The following ATP2A1 variants were observed in gnomAD, a reference collection of about 807,000 sequenced individuals.
ATP2A1 encodes ATPase sarcoplasmic/endoplasmic reticulum Ca2+ transporting 1.
In ATP2A1, 83 loss-of-function variants were observed where a neutral mutation model predicts 109.5. That is an observed-to-expected ratio of 0.76 (90% CI 0.63 to 0.91). The LOEUF (loss-of-function observed/expected upper bound fraction) is 0.91, where lower values mean the gene tolerates loss of function less well. ATP2A1 is among the 40% of genes least tolerant of loss of function. The pLI is 0.00. For missense variants in ATP2A1, 1,101 were observed against 1,341.0 expected, an observed-to-expected ratio of 0.82 and a Z score of 2.80; for synonymous variants, 505 against 537.6, an observed-to-expected ratio of 0.94 and a Z score of 0.84.
chr16:28,898,526 C>T lies in ATP2A1; in HGVS notation c.1764+75C>T. ...TCCCAGCCATCCACTCACAGCTCCA[C>T]CACCCGGATCATTTCCTACCTCGTC... On this transcript the variant is annotated intron_variant, in intron 14 of 22. Coordinates refer to ENST00000395503, the MANE Select transcript of ATP2A1 (RefSeq NM_004320.6). This position sits in a 1 kb window ranked among gnomAD's most constrained non-coding sequence, Gnocchi z 4.0. The T allele has an allele frequency of 2.0e-6, 3 of 1,474,916 alleles. No individual in the cohort carries two copies. Among genetic ancestry groups the T allele is most frequent in the Non-Finnish European group, 1.9e-6 (2 of 1,077,002 alleles). 91.4% of individuals were successfully genotyped at this position (1,474,916 alleles called of 1,614,324 possible).
At chr16:28,885,349 TTTC>T (rs1390039359) in intron 6 of ATP2A1, among the ~76,000 whole-genome samples, 2 of 151,858 alleles carry the variant, frequency 1.3e-5, no homozygotes, top group Non-Finnish European at 2.9e-5. Context: ...TGCTTGACAT[TTTC>T]TTTTTTTTTT....
intron 9 of ATP2A1, among the ~76,000 whole-genome samples, chr16:28,890,867 G>C (rs969927729): frequency 6.6e-6 from 1 of 151,744 alleles, no homozygotes; most frequent in African/African-American, 2.4e-5. Flanking sequence ...TGTATTTTTA[G>C]TACAGATGGG....
In ATP2A1 at chr16:28,879,075, CCTTTTCTT is replaced by C. The variant is rs1277155135; in HGVS notation, c.119-18_119-11del. The C allele has an allele frequency of 6.2e-7, 1 of 1,613,918 alleles. No individual in the cohort carries two copies. On this transcript the variant is annotated splice_polypyrimidine_tract_variant and intron_variant, in intron 1 of 22. Coordinates refer to ENST00000395503, the MANE Select transcript of ATP2A1 (RefSeq NM_004320.6). Reference sequence around the variant, plus strand: ...GAGGCTGAACCCCAAATGAATCTGTCCTTTTCTTCTTTTTCCTGGGTAGAGCTCCCTGC... The same window carrying C: ...GAGGCTGAACCCCAAATGAATCTGTCCTTTTTCCTGGGTAGAGCTCCCTGC...
chr16:28,879,571 A>T lies in ATP2A1; in HGVS notation c.207A>T (p.Ala69=). 6.2e-7 allele frequency: 1 copy of T among 1,614,120 alleles called. No individual in the cohort carries two copies. Among genetic ancestry groups the T allele is most frequent in the Non-Finnish European group, 8.5e-7 (1 of 1,180,002 alleles). The change falls in exon 3 of 23, where the codon GCA becomes GCT. Residue 69 remains alanine (A), a synonymous_variant. Transcript: ENST00000395503. ...TGGTGCGGATTCTCCTCCTGGCCGC[A>T]TGCATTTCCTTCGTAAGTGTGGGAG... The part of the protein sequence containing the change: ...DLLVRILLLA[A]CISFVLAWFE...
Position 28,902,198 on chromosome 16 carries a change from C to T in ATP2A1, c.2336C>T (p.Ala779Val). ...VGEVVCIFLT[A>V]ALGLPEALIP... ...CCTTCCCACAGTATCTTCCTGACCGCTGCCCTGGGGCTGCCTGAGGCCCTG... is the reference window on the plus strand; with the variant it reads ...CCTTCCCACAGTATCTTCCTGACCGTTGCCCTGGGGCTGCCTGAGGCCCTG... Residue 779 changes from alanine (A) to valine (V), a missense_variant, in exon 17 of 23, where the codon GCT becomes GTT. Transcript: ENST00000395503. The surrounding 1 kb of genome is among the most constrained non-coding windows in gnomAD (Gnocchi z 4.8). 3.7e-6 allele frequency: 6 copies of T among 1,614,176 alleles called. No individual in the cohort carries two copies. Among genetic ancestry groups the T allele is most frequent in the Non-Finnish European group, 5.1e-6 (6 of 1,180,014 alleles).
At chr16:28,893,499 A>G (rs926394760) in intron 9 of ATP2A1, among the ~76,000 whole-genome samples, 3 of 152,178 alleles carry the variant, frequency 2.0e-5, no homozygotes, top group Non-Finnish European at 2.9e-5. Context: ...ATCTGGCCAC[A>G]TGCAGCTGGA....
intron 6 of ATP2A1, among the ~76,000 whole-genome samples, chr16:28,886,635 T>G (rs1262671973): frequency 2.0e-5 from 3 of 151,802 alleles, no homozygotes; most frequent in African/African-American, 7.3e-5. Flanking sequence ...CACATGGAAG[T>G]TAGGTGATCA....
Position 28,887,267 on chromosome 16 carries a change from T to C in ATP2A1, c.623T>C (p.Leu208Pro), listed in dbSNP as rs1963639908. The stretch of plus-strand genomic sequence containing the variant: ...GTCAACCAGGACAAGAAGAACATGC[T>C]TTTCTCGGTGAGCAATCCGGGACCA... ...RAVNQDKKNM[L>P]FSGTNIAAGK... Residue 208 changes from leucine (L) to proline (P), a missense_variant, in exon 7 of 23, where the codon CTT becomes CCT. Transcript: ENST00000395503. The C allele has an allele frequency of 6.2e-7, 1 of 1,613,804 alleles. No homozygotes were observed. The highest frequency in any genetic ancestry group is 8.5e-7 in the Non-Finnish European group (1 of 1,179,954).
chr16:28,881,357 C>T (rs1000500343), intron 4 of ATP2A1: 3 of 404,956 alleles, frequency 7.4e-6, no homozygotes, highest in Non-Finnish European at 1.4e-5. Context: ...TGATTTCCTT[C>T]TTCCACTGAC....
chr16:28,886,338 G>A (rs1379192405), intron 6 of ATP2A1, among the ~76,000 whole-genome samples: 2 of 152,062 alleles, frequency 1.3e-5, no homozygotes, highest in African/African-American at 4.8e-5. Flanking sequence ...CCCTGTCTCT[G>A]TAAAACCACC....
At chr16:28,889,410 C>A (rs777026414) in intron 9 of ATP2A1, among the ~76,000 whole-genome samples, 2 of 152,094 alleles carry the variant, frequency 1.3e-5, no homozygotes. Flanking sequence ...GTGCCTGCCA[C>A]CACGCCTGGC....
chr16:28,902,056 T>C lies in ATP2A1; in HGVS notation c.2294T>C (p.Ile765Thr). 6.2e-7 allele frequency: 1 copy of C among 1,614,194 alleles called. No individual in the cohort carries two copies. The highest frequency in any genetic ancestry group is 1.1e-5 in the South Asian group (1 of 91,082). Residue 765 changes from isoleucine to threonine, a missense_variant, in exon 16 of 23, where the codon ATT (isoleucine) becomes ACT (threonine). By Grantham distance (89) the Ile-to-Thr change is moderately conservative. Transcript: ENST00000395503. The surrounding 1 kb of genome is among the most constrained non-coding windows in gnomAD (Gnocchi z 4.8). The stretch of plus-strand genomic sequence containing the variant: ...ATGAAGCAGTTCATCCGCTACCTCA[T>C]TTCCTCCAACGTGGGCGAGGTGGTC... ...NNMKQFIRYL[I>T]SSNVGEVVCI...
intron 14 of ATP2A1, among the ~76,000 whole-genome samples, chr16:28,900,061 G>A (rs1376108049): frequency 1.3e-5 from 2 of 151,586 alleles, no homozygotes. Flanking sequence ...TTGGGAGGCC[G>A]AGGCTGGAGG....
chr16:28,889,847 TAATAA>T (rs1963722355), intron 9 of ATP2A1, among the ~76,000 whole-genome samples: 1 of 152,142 alleles, frequency 6.6e-6, no homozygotes, highest in South Asian at 2.1e-4. Context: ...AAATGTATAT[TAATAA>T]AATAAAACAG....
chr16:28,879,764 C>G (rs1327086800), intron 3 of ATP2A1, 181 bp downstream of exon 3: 4 of 763,024 alleles, frequency 5.2e-6, no homozygotes, highest in Middle Eastern at 3.6e-4. Context: ...CCCTGCACCC[C>G]AGAGGCAGGT....
intron 12 of ATP2A1, among the ~76,000 whole-genome samples, chr16:28,897,532 C>T (rs1696661322): frequency 6.6e-6 from 1 of 152,138 alleles, no homozygotes; most frequent in Admixed American, 6.6e-5. Flanking sequence ...AATAAACAAA[C>T]AATGAAAGTT....
rs895544521 is a variant in ATP2A1, at chr16:28,879,931, C to T, written c.219+348C>T. On this transcript the variant is annotated intron_variant, in intron 3 of 22. Coordinates refer to ENST00000395503, the MANE Select transcript of ATP2A1 (RefSeq NM_004320.6). ...CGGCGCGGGGGGCCACTGCCACTCC[C>T]GGCATGCGCCGGGCGGACGGCCGCT... 10 of 941,450 alleles carry T rather than the reference C, an allele frequency of 1.1e-5. No individual in the cohort carries two copies. The African/African-American group carries it at 1.3e-4, about 12-fold the overall frequency. The allele number at this position is 941,450 out of a possible 1,614,324, so 58.3% of individuals were successfully genotyped here. A position where few individuals can be genotyped will look rare whatever the true frequency, so the allele number is the denominator to read the frequency against.
Position 28,888,917 on chromosome 16 carries a change from AG to A in ATP2A1, c.1061del (p.Gly354AlafsTer26), listed in dbSNP as rs760231383. 6.2e-7 allele frequency: 1 copy of A among 1,614,154 alleles called. No individual in the cohort carries two copies. The highest frequency in any genetic ancestry group is 1.7e-5 in the Admixed American group (1 of 60,004). Reference protein sequence around the residue: ...CTSVICSDKTGTLTTNQMSVC... With the variant: ...CTSVICSDKTXTLTTNQMSVC... Reference sequence around the variant, plus strand: ...CCTCTGTCATCTGTTCCGACAAGACAGGCACCCTCACCACCAACCAGATGTC... The same window carrying A: ...CCTCTGTCATCTGTTCCGACAAGACAGCACCCTCACCACCAACCAGATGTC... On this transcript the variant is annotated frameshift_variant, in exon 9 of 23. Transcript: ENST00000395503. LOFTEE classifies it high-confidence loss of function.
Position 28,898,742 on chromosome 16 carries a change from T to TAA in ATP2A1, c.1764+300_1764+301dup, listed in dbSNP as rs1555516760. ...AATGAAGTGAGAACCCCATCTCTAT[T>TAA]AAAAAAAAAATTTTTTTAATTACCT... On this transcript the variant is annotated intron_variant, in intron 14 of 22. Coordinates refer to ENST00000395503, the MANE Select transcript of ATP2A1 (RefSeq NM_004320.6). This position sits in a 1 kb window ranked among gnomAD's most constrained non-coding sequence, Gnocchi z 4.0. Among the ~76,000 whole-genome samples, 1 of 134,086 alleles carries TAA rather than the reference T, an allele frequency of 7.5e-6. No homozygotes were observed. The highest frequency in any genetic ancestry group is 2.6e-5 in the African/African-American group (1 of 38,218). 88.0% of individuals were successfully genotyped at this position (134,086 alleles called of 152,430 possible). A position where few individuals can be genotyped will look rare whatever the true frequency, so the allele number is the denominator to read the frequency against.
Sources: gnomAD v4.1 joint callset for allele counts (sites outside exome capture counted in the v4.1 genomes callset) on GRCh38, gnomAD v4.1.1 for gene constraint, Gnocchi (gnomAD v3.1) non-coding constraint, MANE v1.5 for transcripts, NCBI Gene and HGNC (gene_info 2026-07-23, HGNC 2026-07-21) for gene names.